Variants in DEPTOR observed in about 807,000 individuals in gnomAD.
The protein encoded by DEPTOR is DEP domain-containing mTOR-interacting protein.
DEPTOR carries 41 observed loss-of-function variants against 41.6 expected under a neutral mutation model. The ratio of observed to expected loss-of-function variants is 0.98; its 90% CI spans 0.77 to 1.28. The LOEUF (loss-of-function observed/expected upper bound fraction) is 1.28. Among genes scored for constraint, DEPTOR ranks in the 50% most tolerant of loss-of-function variants. The probability of loss-of-function intolerance (pLI) is 0.00; values close to 1 mark genes in which losing one functional copy is unlikely to be tolerated. For missense variants in DEPTOR, 514 were observed against 527.9 expected (o/e 0.97, Z 0.26); for synonymous variants, 195 against 192.3 (o/e 1.01, Z -0.12).
At chr8:119,913,027 T>C (rs950327314) in intron 1 of DEPTOR, among the ~76,000 whole-genome samples, 15 of 152,144 alleles carry the variant, frequency 9.9e-5, no homozygotes, top group African/African-American at 3.4e-4. Flanking sequence ...TTCAAGAGAT[T>C]TTCCCTCCTC....
At chr8:119,964,515 CAAAA>C (rs536731714) in intron 3 of DEPTOR, among the ~76,000 whole-genome samples, 3,400 of 118,346 alleles carry the variant, frequency 0.029, 20 homozygotes, top group South Asian at 0.056. Flanking sequence ...AAGCCCGTCT[CAAAA>C]AAAAAAAAAA....
chr8:119,888,584 G>A (rs540258775), intron 1 of DEPTOR, among the ~76,000 whole-genome samples: 5 of 151,842 alleles, frequency 3.3e-5, no homozygotes, highest in African/African-American at 7.2e-5. Flanking sequence ...AGGCTGGCAC[G>A]GTGGCTCACG....
chr8:120,044,189 G>A (rs66614869), intron 8 of DEPTOR, among the ~76,000 whole-genome samples: 56,945 of 150,962 alleles, frequency 0.38, 11,108 homozygotes, highest in African/African-American at 0.45. Flanking sequence ...TGAGATGGGG[G>A]TTTTGCTCTT....
intron 1 of DEPTOR, among the ~76,000 whole-genome samples, chr8:119,913,434 G>C (rs1827770149): frequency 6.6e-6 from 1 of 152,204 alleles, no homozygotes; most frequent in Admixed American, 6.5e-5. Flanking sequence ...TTGGTGATTG[G>C]CTGTACATTG....
intron 4 of DEPTOR, among the ~76,000 whole-genome samples, chr8:119,973,803 A>C (rs114817084): frequency 0.014 from 2,125 of 152,248 alleles, 52 homozygotes; most frequent in African/African-American, 0.049. Context: ...ACATATATTT[A>C]TATCATACTG....
At chr8:119,956,761 G>A (rs538755735) in intron 3 of DEPTOR, among the ~76,000 whole-genome samples, 9 of 108,608 alleles carry the variant, frequency 8.3e-5, no homozygotes, top group African/African-American at 3.2e-4. Flanking sequence ...TTTAGATGAA[G>A]TCTCATTCTG....
At chr8:119,953,117 A>G (rs1828374484) in intron 3 of DEPTOR, among the ~76,000 whole-genome samples, 1 of 152,208 alleles carries the variant, frequency 6.6e-6, no homozygotes, top group South Asian at 2.1e-4. Flanking sequence ...CTTGCTGTCA[A>G]GGCCAAGGGA....
chr8:119,931,645 A>T (rs1244674556), intron 3 of DEPTOR, among the ~76,000 whole-genome samples: 1 of 151,972 alleles, frequency 6.6e-6, no homozygotes, highest in Non-Finnish European at 1.5e-5. Flanking sequence ...CCTAATTTGT[A>T]CTCAGTCTAC....
intron 1 of DEPTOR, among the ~76,000 whole-genome samples, chr8:119,903,328 C>A (rs1005982216): frequency 6.6e-6 from 1 of 152,120 alleles, no homozygotes; most frequent in African/African-American, 2.4e-5. Context: ...AAACTCCTGA[C>A]CTCAGGTGAT....
At chr8:119,899,846 T>C (rs1224289628) in intron 1 of DEPTOR, among the ~76,000 whole-genome samples, 1 of 152,184 alleles carries the variant, frequency 6.6e-6, no homozygotes, top group Non-Finnish European at 1.5e-5. Flanking sequence ...TACAGTTATG[T>C]TTTTCTGAGC....
At chr8:120,008,885 C>T (rs1414974552) in intron 7 of DEPTOR, 144 bp from the exon 8 acceptor site, 1 of 726,838 alleles carries the variant, frequency 1.4e-6, no homozygotes, top group African/African-American at 1.8e-5. Flanking sequence ...AAGCAGTGTT[C>T]CAATCCCCTG....
rs148974550 is a variant in DEPTOR, at chr8:119,929,218, G to A, written c.302-597G>A. 4.1e-4 allele frequency among the ~76,000 whole-genome samples: 63 copies of A among 152,104 alleles called. 1 individual carries two copies. The East Asian group carries it at 8.3e-3, about 20-fold the overall frequency. ...TCTTGAAATCTCTCATCCTGGCCTC[G>A]ACCTTTGCACATGCCATCGTTCTCT... is the stretch of plus-strand genomic sequence containing the variant. On this transcript the variant is annotated intron_variant, in intron 2 of 8. Coordinates refer to ENST00000286234, the MANE Select transcript of DEPTOR (RefSeq NM_022783.4).
rs187931175 is a variant in DEPTOR, at chr8:119,946,758, T to A, written c.425+16820T>A. Among the ~76,000 whole-genome samples, 196 of 152,080 alleles carry A rather than the reference T, an allele frequency of 1.3e-3. 1 individual carries two copies. The highest frequency in any genetic ancestry group is 2.4e-3 in the Non-Finnish European group (160 of 67,966). ...TCAAAAAATAAAATAAAAAAAAAAG[T>A]TCTCTGTGTTCTACCAAGGTTTAAT... On this transcript the variant is annotated intron_variant, in intron 3 of 8. Transcript: ENST00000286234.
intron 8 of DEPTOR, among the ~76,000 whole-genome samples, chr8:120,023,129 A>C (rs560748573): frequency 6.6e-6 from 1 of 152,222 alleles, no homozygotes; most frequent in East Asian, 1.9e-4. Context: ...CTGTGTGTCC[A>C]CAAGGAAGAT....
chr8:120,046,809 C>T (rs577529811), intron 8 of DEPTOR, among the ~76,000 whole-genome samples: 1 of 152,114 alleles, frequency 6.6e-6, no homozygotes, highest in African/African-American at 2.4e-5. Context: ...CTGTCTTCAA[C>T]GCTTTTCCCT....
chr8:119,901,335 G>A (rs9649949), intron 1 of DEPTOR, among the ~76,000 whole-genome samples: 108,718 of 152,066 alleles, frequency 0.71, 39,367 homozygotes, highest in East Asian at 0.95. Flanking sequence ...GTGAGAAGAT[G>A]CACAAACATA....
At chr8:119,920,950 C>T (rs1004250912) in intron 1 of DEPTOR, among the ~76,000 whole-genome samples, 1 of 151,684 alleles carries the variant, frequency 6.6e-6, no homozygotes, top group Non-Finnish European at 1.5e-5. Flanking sequence ...TCCTAATGGT[C>T]CAGTTTCCTC....
chr8:119,882,462 C>T (rs1312071254), intron 1 of DEPTOR, among the ~76,000 whole-genome samples: 1 of 151,834 alleles, frequency 6.6e-6, no homozygotes, highest in African/African-American at 2.4e-5. Context: ...TGGCATGATC[C>T]TGGCTCACTT....
chr8:119,979,764 C>T (rs1828739520), intron 4 of DEPTOR, among the ~76,000 whole-genome samples: 1 of 152,112 alleles, frequency 6.6e-6, no homozygotes, highest in Admixed American at 6.6e-5. Context: ...GCCTCCAGGC[C>T]ACTGGGGAAG....
Sources: gnomAD v4.1 joint callset for allele counts (sites outside exome capture counted in the v4.1 genomes callset) on GRCh38, gnomAD v4.1.1 for gene constraint, MANE v1.5 for transcripts, NCBI Gene and HGNC (gene_info 2026-07-23, HGNC 2026-07-21) for gene names.